The following ITFG1 variants were observed in gnomAD, a reference collection of about 807,000 sequenced individuals.
ITFG1 encodes the protein integrin alpha FG-GAP repeat containing 1.
A neutral mutation model predicts 81.8 loss-of-function variants in ITFG1; 34 were observed. That is an observed-to-expected ratio of 0.42 (90% CI 0.32 to 0.55). ITFG1 has a LOEUF of 0.55. ITFG1 is among the 20% of genes least tolerant of loss of function. ITFG1 has a pLI of 0.17. For synonymous variants in ITFG1, 285 were observed against 270.6 expected, an observed-to-expected ratio of 1.05 and a Z score of -0.52; for missense variants, 672 against 755.4, an observed-to-expected ratio of 0.89 and a Z score of 1.29.
chr16:47,224,978 A>T lies in ITFG1; in HGVS notation c.1375-6032T>A, dbSNP rs1965740937. ...TGCACCACTGCACTCTAGCCTGGGC[A>T]ACAGAGTGAGACCTTGTCAAAAAAG... is the stretch of plus-strand genomic sequence containing the variant. On this transcript the variant is annotated intron_variant, in intron 13 of 17. Coordinates refer to ENST00000320640, the MANE Select transcript of ITFG1 (RefSeq NM_030790.5). Among the ~76,000 whole-genome samples, 3 of 152,182 alleles carry T rather than the reference A, an allele frequency of 2.0e-5. No individual in the cohort carries two copies. In the South Asian group the frequency reaches 6.2e-4, roughly 32 times the overall value.
At chr16:47,340,279 T>C (rs1967763809) in intron 8 of ITFG1, among the ~76,000 whole-genome samples, 2 of 152,200 alleles carry the variant, frequency 1.3e-5, no homozygotes, top group Non-Finnish European at 2.9e-5. Context: ...AGTATTATTG[T>C]ATTATTTATC....
chr16:47,155,821 G>T, intron 17 of ITFG1, 43 bp from the exon 18 acceptor site: 9 of 1,367,248 alleles, frequency 6.6e-6, no homozygotes, highest in African/African-American at 1.5e-5. Flanking sequence ...GTAGAAAGAT[G>T]TTATGAAAAG....
intron 6 of ITFG1, among the ~76,000 whole-genome samples, chr16:47,396,623 C>T (rs1268381476): frequency 6.6e-6 from 1 of 151,300 alleles, no homozygotes; most frequent in Non-Finnish European, 1.5e-5. Context: ...ATGAGAGAAG[C>T]CAAGCATATT....
chr16:47,428,712 C>T, intron 6 of ITFG1, 92 bp downstream of exon 6: 1 of 799,716 alleles, frequency 1.3e-6, no homozygotes, highest in East Asian at 2.5e-5. Flanking sequence ...TCAACATTTA[C>T]TTCATTAGCA....
intron 8 of ITFG1, 181 bp downstream of exon 8, chr16:47,365,607 T>C (rs577838880): frequency 1.3e-5 from 6 of 471,402 alleles, no homozygotes; most frequent in Non-Finnish European, 2.3e-5. Context: ...TCTCCTTATT[T>C]CATTAAGGAA....
chr16:47,266,290 T>C (rs1395030261), intron 10 of ITFG1, among the ~76,000 whole-genome samples: 1 of 152,206 alleles, frequency 6.6e-6, no homozygotes, highest in Non-Finnish European at 1.5e-5. Context: ...CAATCTCGGC[T>C]CACTGCAACC....
At chr16:47,369,839 T>G (rs2151588524) in intron 7 of ITFG1, among the ~76,000 whole-genome samples, 1 of 133,180 alleles carries the variant, frequency 7.5e-6, no homozygotes, top group East Asian at 2.1e-4. Flanking sequence ...TCCTCTTTTT[T>G]TTTTTTTTTT....
chr16:47,375,229 A>G (rs1968308356), intron 7 of ITFG1, among the ~76,000 whole-genome samples: 1 of 152,152 alleles, frequency 6.6e-6, no homozygotes. Flanking sequence ...TACTTCACGA[A>G]TGTCACTGTG....
intron 12 of ITFG1, among the ~76,000 whole-genome samples, chr16:47,246,615 A>G (rs76396336): frequency 1.1e-3 from 165 of 152,302 alleles, no homozygotes; most frequent in Middle Eastern, 3.4e-3. Context: ...CTATACGGCT[A>G]TGCAGCAGGT....
chr16:47,454,187 A>T (rs983017526), intron 2 of ITFG1, 29 bp from the exon 3 acceptor site: 2 of 1,557,384 alleles, frequency 1.3e-6, no homozygotes, highest in African/African-American at 1.4e-5. Flanking sequence ...TACAAATATC[A>T]GACAAGTTGT....
chr16:47,408,728 T>C (rs1968761447), intron 6 of ITFG1, among the ~76,000 whole-genome samples: 2 of 152,232 alleles, frequency 1.3e-5, no homozygotes, highest in African/African-American at 4.8e-5. Flanking sequence ...ATGTCTATAT[T>C]GAAGATATTA....
At chr16:47,213,448 C>T (rs1365577670) in intron 14 of ITFG1, among the ~76,000 whole-genome samples, 3 of 151,966 alleles carry the variant, frequency 2.0e-5, no homozygotes, top group African/African-American at 4.8e-5. Context: ...TTGCTGAGTT[C>T]TGTATCCTTG....
chr16:47,159,049 A>G, intron 16 of ITFG1, 59 bp from the exon 17 acceptor site: 1 of 901,016 alleles, frequency 1.1e-6, no homozygotes, highest in Non-Finnish European at 1.7e-6. Context: ...TAACAAAGTT[A>G]TATTGAGACC....
chr16:47,315,791 A>ATATAT (rs199525088), intron 8 of ITFG1, among the ~76,000 whole-genome samples: 2 of 149,364 alleles, frequency 1.3e-5, no homozygotes, highest in Admixed American at 6.6e-5. Flanking sequence ...ACATATATAT[A>ATATAT]ATTTATTATT....
intron 15 of ITFG1, among the ~76,000 whole-genome samples, 195 bp from the exon 16 acceptor site, chr16:47,162,027 A>T (rs550610891): frequency 6.6e-6 from 1 of 152,270 alleles, no homozygotes. Context: ...TCTTTTTGGG[A>T]AAGATTATAT....
chr16:47,282,309 ATAT>A (rs1339759632), intron 10 of ITFG1, among the ~76,000 whole-genome samples: 1 of 152,110 alleles, frequency 6.6e-6, no homozygotes, highest in South Asian at 2.1e-4. Context: ...CCATGTGTAC[ATAT>A]TATTTAGCTT....
intron 8 of ITFG1, among the ~76,000 whole-genome samples, chr16:47,362,335 G>C (rs567072375): frequency 6.6e-6 from 1 of 152,168 alleles, no homozygotes; most frequent in East Asian, 1.9e-4. Context: ...ATCTTCCTCT[G>C]AACTCCTACT....
At chr16:47,461,140 C>T, upstream of ITFG1, 2 of 1,255,286 alleles carry the variant, frequency 1.6e-6, no homozygotes, top group Non-Finnish European at 2.1e-6. Flanking sequence ...CGCGCAGCCC[C>T]GGGACGCGTA....
intron 10 of ITFG1, among the ~76,000 whole-genome samples, chr16:47,279,614 T>C (rs1254008273): frequency 3.3e-5 from 5 of 152,180 alleles, no homozygotes; most frequent in Non-Finnish European, 7.4e-5. Context: ...TTTAGCTATT[T>C]TGGTTCCTTT....
Sources: gnomAD v4.1 joint callset for allele counts (sites outside exome capture counted in the v4.1 genomes callset) on GRCh38, gnomAD v4.1.1 for gene constraint, MANE v1.5 for transcripts, NCBI Gene and HGNC (gene_info 2026-07-23, HGNC 2026-07-21) for gene names.